The following EXOC4 variants were observed in gnomAD, a reference collection of about 807,000 sequenced individuals.
EXOC4 encodes the protein exocyst complex component 4, also known as SEC8-like 1.
Under a neutral mutation model 107.2 loss-of-function variants are expected in EXOC4, and 71 were observed. That is an observed-to-expected ratio of 0.66 (90% confidence interval 0.55 to 0.81). The LOEUF is 0.81. Among genes scored for constraint, EXOC4 ranks in the 30% least tolerant of loss-of-function variants. The probability of loss-of-function intolerance (pLI) is 0.00; values close to 1 mark genes in which losing one functional copy is unlikely to be tolerated. For synonymous variants in EXOC4, 456 were observed against 441.2 expected (o/e 1.03, Z -0.42); for missense variants, 1,108 against 1,189.6 (o/e 0.93, Z 1.01).
intron 15 of EXOC4, among the ~76,000 whole-genome samples, chr7:134,002,944 T>G (rs1794563537): frequency 6.6e-6 from 1 of 152,188 alleles, no homozygotes. Context: ...ACACTTACCA[T>G]AAGTGAGATC....
intron 17 of EXOC4, among the ~76,000 whole-genome samples, chr7:134,041,235 A>G (rs1335906214): frequency 5.3e-5 from 8 of 151,416 alleles, no homozygotes; most frequent in African/African-American, 1.9e-4. Context: ...TGAATTGCTG[A>G]CTCTCTCTTC....
At chr7:133,444,003 C>T (rs1381043882) in intron 7 of EXOC4, among the ~76,000 whole-genome samples, 1 of 152,158 alleles carries the variant, frequency 6.6e-6, no homozygotes, top group Non-Finnish European at 1.5e-5. Context: ...AGGAGCATTT[C>T]CTATTCTCTT....
chr7:133,765,032 G>A (rs570793847), intron 10 of EXOC4, among the ~76,000 whole-genome samples: 14 of 152,150 alleles, frequency 9.2e-5, no homozygotes, highest in Non-Finnish European at 1.9e-4. Context: ...AAGTTAAAAT[G>A]TGAGAAAATT....
chr7:133,445,486 C>T (rs981863126), intron 7 of EXOC4, among the ~76,000 whole-genome samples: 1 of 152,150 alleles, frequency 6.6e-6, no homozygotes, highest in African/African-American at 2.4e-5. Context: ...GATTCATATG[C>T]CAGCGTCTTT....
intron 7 of EXOC4, among the ~76,000 whole-genome samples, chr7:133,467,939 G>C (rs975763738): frequency 6.6e-6 from 1 of 151,868 alleles, no homozygotes; most frequent in African/African-American, 2.4e-5. Flanking sequence ...ACTCATTCAT[G>C]TGTGTCTCAA....
At chr7:134,026,953 G>A (rs916507619) in intron 17 of EXOC4, among the ~76,000 whole-genome samples, 1 of 152,142 alleles carries the variant, frequency 6.6e-6, no homozygotes, top group African/African-American at 2.4e-5. Flanking sequence ...GGTTGTTACA[G>A]TATGTTGAAC....
At chr7:133,454,135 C>T (rs1017328870) in intron 7 of EXOC4, among the ~76,000 whole-genome samples, 1 of 152,184 alleles carries the variant, frequency 6.6e-6, no homozygotes, top group African/African-American at 2.4e-5. Flanking sequence ...TTCACCCCTA[C>T]TCACACATAA....
chr7:133,976,156 T>G (rs1793827916), intron 14 of EXOC4, among the ~76,000 whole-genome samples: 1 of 152,076 alleles, frequency 6.6e-6, no homozygotes. Context: ...GACCACAAAA[T>G]GCAGTGTGTG....
chr7:133,947,551 T>C (rs1800582849), intron 14 of EXOC4, among the ~76,000 whole-genome samples: 1 of 152,168 alleles, frequency 6.6e-6, no homozygotes, highest in South Asian at 2.1e-4. Context: ...GGCTCAGCTA[T>C]TGTTGAAAAA....
chr7:133,719,052 C>T (rs1454340623), intron 10 of EXOC4, among the ~76,000 whole-genome samples: 1 of 152,088 alleles, frequency 6.6e-6, no homozygotes, highest in African/African-American at 2.4e-5. Context: ...CCCACAATTC[C>T]TATGTTTTGT....
At chr7:133,916,990 C>G (rs1381715619) in intron 12 of EXOC4, among the ~76,000 whole-genome samples, 1 of 152,190 alleles carries the variant, frequency 6.6e-6, no homozygotes, top group Non-Finnish European at 1.5e-5. Context: ...CCTGTCAGCT[C>G]TAGGTCACTA....
intron 17 of EXOC4, among the ~76,000 whole-genome samples, chr7:134,016,895 A>G (rs1794921667): frequency 6.6e-6 from 1 of 152,180 alleles, no homozygotes; most frequent in Non-Finnish European, 1.5e-5. Context: ...AGACAGCCAG[A>G]CTGAGAATGT....
chr7:133,526,600 A>G (rs1396567308), intron 9 of EXOC4, among the ~76,000 whole-genome samples: 1 of 152,236 alleles, frequency 6.6e-6, no homozygotes, highest in Non-Finnish European at 1.5e-5. Flanking sequence ...TCGCAAAGGC[A>G]TTTCATGTCC....
chr7:133,591,547 G>GGTGT (rs199675433), intron 9 of EXOC4, among the ~76,000 whole-genome samples: 11 of 59,240 alleles, frequency 1.9e-4, no homozygotes, highest in African/African-American at 5.6e-4. Context: ...TTAAAGATCT[G>GGTGT]GTGTGTGTGT....
chr7:133,298,491 A>G (rs78786721), intron 3 of EXOC4, among the ~76,000 whole-genome samples: 1,888 of 152,194 alleles, frequency 0.012, 29 homozygotes, highest in African/African-American at 0.043. Context: ...GGTCTCTTCT[A>G]TTGGATTTTG....
chr7:133,316,915 A>T (rs550308442), intron 4 of EXOC4, among the ~76,000 whole-genome samples: 8 of 152,334 alleles, frequency 5.3e-5, no homozygotes, highest in East Asian at 3.9e-4. Context: ...TTCTTTGTTG[A>T]TAAATTAATA....
intron 14 of EXOC4, among the ~76,000 whole-genome samples, chr7:133,992,070 T>G (rs1332966647): frequency 6.6e-6 from 1 of 152,192 alleles, no homozygotes; most frequent in Non-Finnish European, 1.5e-5. Context: ...ATAATATTAA[T>G]TATTATTTCA....
intron 7 of EXOC4, among the ~76,000 whole-genome samples, chr7:133,411,260 AT>A (rs1797349340): frequency 6.6e-6 from 1 of 152,218 alleles, no homozygotes; most frequent in South Asian, 2.1e-4. Flanking sequence ...TTTGTAAAAA[AT>A]AGTTAAACTT....
chr7:133,945,774 A>G (rs940328333), intron 14 of EXOC4, among the ~76,000 whole-genome samples: 2 of 152,184 alleles, frequency 1.3e-5, no homozygotes, highest in Non-Finnish European at 2.9e-5. Context: ...AATATTTTCT[A>G]TGAGATGGAA....
Sources: gnomAD v4.1 joint callset for allele counts (sites outside exome capture counted in the v4.1 genomes callset) on GRCh38, gnomAD v4.1.1 for gene constraint, MANE v1.5 for transcripts, NCBI Gene and HGNC (gene_info 2026-07-23, HGNC 2026-07-21) for gene names.